TRIM5: variants seen among roughly 807,000 people sequenced by gnomAD.
TRIM5 encodes tripartite motif containing 5.
In TRIM5, 31 loss-of-function variants were observed where a neutral mutation model predicts 35.6. The ratio of observed to expected loss-of-function variants is 0.87; its 90% confidence interval spans 0.65 to 1.18. The LOEUF (loss-of-function observed/expected upper bound fraction) is 1.18. Among genes scored for constraint, TRIM5 ranks in the 50% most tolerant of loss-of-function variants. The pLI is 0.00. For missense variants in TRIM5, 609 were observed against 591.6 expected, an observed-to-expected ratio of 1.03 and a Z score of -0.31; for synonymous variants, 243 against 215.6, an observed-to-expected ratio of 1.13 and a Z score of -1.11.
rs1309826059 is a variant in TRIM5, at chr11:5,665,651, C to T, written c.895+5G>A. 1 of 1,551,790 alleles carries T rather than the reference C, an allele frequency of 6.4e-7. No homozygotes were observed. Among genetic ancestry groups the T allele is most frequent in the Admixed American group, 2.2e-5 (1 of 44,610 alleles). ...GTGGCTTATGATAATGTGACTTCTC[C>T]TTACCCCAGTAGCGTCGGACATCTG... is the stretch of plus-strand genomic sequence containing the variant. On this transcript the variant is annotated splice_donor_5th_base_variant and intron_variant, in intron 7 of 7. Coordinates refer to ENST00000380034, the MANE Select transcript of TRIM5 (RefSeq NM_033034.3).
the TRIM5 span, chr11:5,604,939 C>A: frequency 1.8e-5 from 8 of 445,030 alleles, no homozygotes; most frequent in Non-Finnish European, 3.2e-5. Flanking sequence ...ATTCAGAGTA[C>A]AAATGCAAGG....
the TRIM5 span, chr11:5,645,752 A>G: frequency 4.7e-6 from 1 of 214,030 alleles, no homozygotes; most frequent in Non-Finnish European, 9.1e-6. Flanking sequence ...GAAAAGCTTC[A>G]CTTTTGCTCA....
At chr11:5,652,852 C>CTTTTT in the TRIM5 span, among the ~76,000 whole-genome samples, 3 of 143,656 alleles carry the variant, frequency 2.1e-5, no homozygotes, top group African/African-American at 2.6e-5. Flanking sequence ...TTTTCTTTTT[C>CTTTTT]TTTTTTTTTT....
chr11:5,629,064 G>A, the TRIM5 span, among the ~76,000 whole-genome samples: 1 of 152,078 alleles, frequency 6.6e-6, no homozygotes, highest in African/African-American at 2.4e-5. Context: ...ATCACCTGAG[G>A]TCAGGAGTTC....
the TRIM5 span, chr11:5,612,614 G>GAA: frequency 6.6e-6 from 1 of 152,312 alleles, no homozygotes; most frequent in South Asian, 2.1e-4. Context: ...ACAAACAGCT[G>GAA]TTGAGTGAGC....
intron 4 of TRIM5, among the ~76,000 whole-genome samples, chr11:5,677,106 A>G (rs1238828128): frequency 6.6e-6 from 1 of 151,894 alleles, no homozygotes; most frequent in Non-Finnish European, 1.5e-5. Context: ...GACAAATGGG[A>G]TCTAATTAAA....
chr11:5,649,596 G>C, the TRIM5 span, among the ~76,000 whole-genome samples: 3 of 152,168 alleles, frequency 2.0e-5, no homozygotes, highest in Admixed American at 2.0e-4. Flanking sequence ...AGCACCCAAA[G>C]TGGCTGGGTG....
chr11:5,668,752 C>T (rs1323883386), intron 4 of TRIM5, among the ~76,000 whole-genome samples: 1 of 152,078 alleles, frequency 6.6e-6, no homozygotes, highest in African/African-American at 2.4e-5. Flanking sequence ...ACCCGGCCTA[C>T]GTACTTCTTA....
At chr11:5,650,690 C>T in the TRIM5 span, among the ~76,000 whole-genome samples, 369 of 152,250 alleles carry the variant, frequency 2.4e-3, 1 homozygote, top group African/African-American at 8.7e-3. Context: ...TGTTGGAGCG[C>T]TACTGTGCAC....
the TRIM5 span, chr11:5,590,676 G>C: frequency 6.6e-6 from 1 of 152,214 alleles, no homozygotes; most frequent in African/African-American, 2.4e-5. Flanking sequence ...CCAGATAAGA[G>C]AATAAAAGCA....
At chr11:5,649,395 AGTT>A in the TRIM5 span, among the ~76,000 whole-genome samples, 1 of 152,070 alleles carries the variant, frequency 6.6e-6, no homozygotes, top group African/African-American at 2.4e-5. Flanking sequence ...GCCTGAGCTG[AGTT>A]GTTGTCTTTT....
At chr11:5,632,826 T>G in the TRIM5 span, 1 of 1,174,050 alleles carries the variant, frequency 8.5e-7, no homozygotes, top group Non-Finnish European at 1.1e-6. Context: ...TTCATCCTTT[T>G]TTTTTTTTTT....
the TRIM5 span, among the ~76,000 whole-genome samples, chr11:5,644,853 A>G: frequency 6.6e-6 from 1 of 152,082 alleles, no homozygotes; most frequent in Non-Finnish European, 1.5e-5. Flanking sequence ...GTGGGAGGTG[A>G]TTGGATCATG....
chr11:5,642,792 A>G, the TRIM5 span: 1 of 1,613,888 alleles, frequency 6.2e-7, no homozygotes, highest in Admixed American at 1.7e-5. Flanking sequence ...TCTAATCAGC[A>G]TCACTGAATC....
chr11:5,610,479 C>G, the TRIM5 span: 83 of 1,613,414 alleles, frequency 5.1e-5, no homozygotes, highest in Middle Eastern at 1.2e-3. Flanking sequence ...GAGAGAGATA[C>G]CAGACATGAG....
the TRIM5 span, among the ~76,000 whole-genome samples, chr11:5,630,776 C>T: frequency 1.3e-5 from 2 of 152,190 alleles, no homozygotes; most frequent in Non-Finnish European, 2.9e-5. Flanking sequence ...TACCATTTTA[C>T]ATTTTATGAA....
chr11:5,673,460 C>T (rs58354798), intron 4 of TRIM5, among the ~76,000 whole-genome samples: 2,136 of 152,110 alleles, frequency 0.014, 23 homozygotes, highest in Non-Finnish European at 0.021. Context: ...AAAAGGAAAA[C>T]TGACAACTCA....
chr11:5,641,473 T>A, the TRIM5 span, among the ~76,000 whole-genome samples: 1 of 152,210 alleles, frequency 6.6e-6, no homozygotes. Flanking sequence ...ACTTCACTCA[T>A]TTAATTCATC....
chr11:5,634,825 G>A, the TRIM5 span: 5 of 1,613,450 alleles, frequency 3.1e-6, no homozygotes, highest in Non-Finnish European at 4.2e-6. Flanking sequence ...CAGATGTGGA[G>A]TGTCGGAGTC....
Sources: allele counts gnomAD v4.1 joint callset (sites outside exome capture counted in the v4.1 genomes callset), GRCh38; gene constraint gnomAD v4.1.1; transcripts MANE v1.5; gene names NCBI Gene and HGNC (gene_info 2026-07-23, HGNC 2026-07-21).